Variants in TSR2 observed in about 807,000 individuals in gnomAD.
The protein encoded by TSR2 is TSR2 ribosome maturation factor, also known as pre-rRNA-processing protein TSR2 homolog.
A neutral mutation model predicts 13.3 loss-of-function variants in TSR2; 1 was observed. The ratio of observed to expected loss-of-function variants is 0.08; its 90% CI spans 0.03 to 0.36. TSR2 has a LOEUF of 0.36. Among genes scored for constraint, TSR2 ranks in the 10% least tolerant of loss-of-function variants. The pLI, the probability that TSR2 is intolerant of heterozygous loss-of-function variation, is 0.99. For synonymous variants in TSR2, 60 were observed against 57.7 expected (o/e 1.04, Z -0.18); for missense variants, 120 against 151.1 (o/e 0.79, Z 1.08).
At chrX:54,443,597 G>A (rs1200951619) in intron 3 of TSR2, 106 bp downstream of exon 3, 17 of 571,944 alleles carry the variant, frequency 3.0e-5, no homozygotes, top group African/African-American at 4.7e-5. Context: ...GTTGCCTAGA[G>A]GAAAAAGTGT....
In TSR2 at chrX:54,447,122, A is replaced by G. The variant is rs1485367236; in HGVS notation, c.*2572A>G. 8.9e-6 allele frequency among the ~76,000 whole-genome samples: 1 copy of G among 111,765 alleles called. No homozygotes were observed. The highest frequency in any genetic ancestry group is 1.9e-5 in the Non-Finnish European group (1 of 53,078). On this transcript the variant is annotated 3_prime_UTR_variant, in exon 5 of 5. Transcript: ENST00000375151. ...CCCACAACTCATCCTGGTTTTCCCT[A>G]CATACCACAACCACTCCTTGTCTCT...
Position 54,447,211 on chromosome X carries a change from C to T in TSR2, c.*2661C>T. On this transcript the variant is annotated 3_prime_UTR_variant, in exon 5 of 5. Coordinates refer to ENST00000375151, the MANE Select transcript of TSR2 (RefSeq NM_058163.3). ...CCTCTTAGAGATAGGCTCACCTTATCTTCCAAGGCTCACCTTATCTTCCAA... is the reference window on the plus strand; with the variant it reads ...CCTCTTAGAGATAGGCTCACCTTATTTTCCAAGGCTCACCTTATCTTCCAA... 1.0e-6 allele frequency: 1 copy of T among 958,276 alleles called. No individual in the cohort carries two copies. The highest frequency in any genetic ancestry group is 2.0e-5 in the South Asian group (1 of 49,455). The allele number at this position is 958,276 out of a possible 1,213,427, so 79.0% of individuals were successfully genotyped here. A position where few individuals can be genotyped will look rare whatever the true frequency, so the allele number is the denominator to read the frequency against.
rs746319125 is a variant in TSR2 at position 54,444,708 on chromosome X, C to G, written c.*158C>G. ...TGGCTCCCTCCAGGGCAAGGAAAAC[C>G]TAGGGTCCTTGGTCTTGGGGGTGGG... is the stretch of plus-strand genomic sequence containing the variant. On this transcript the variant is annotated 3_prime_UTR_variant, in exon 5 of 5. Coordinates refer to ENST00000375151, the MANE Select transcript of TSR2 (RefSeq NM_058163.3). 1 of 513,237 alleles carries G rather than the reference C, an allele frequency of 1.9e-6. No individual in the cohort carries two copies. Among genetic ancestry groups the G allele is most frequent in the African/African-American group, 2.4e-5 (1 of 41,002 alleles). The allele number at this position is 513,237 out of a possible 1,213,427, so 42.3% of individuals were successfully genotyped here. A position where few individuals can be genotyped will look rare whatever the true frequency, so the allele number is the denominator to read the frequency against.
chrX:54,443,159 C>T (rs1921990962), intron 2 of TSR2, among the ~76,000 whole-genome samples: 2 of 111,668 alleles, frequency 1.8e-5, no homozygotes, highest in South Asian at 7.5e-4. Context: ...ATGTTAAAAC[C>T]TGGAATGCAG....
At position 54,446,521 on chromosome X, in the gene TSR2, G is replaced by T; in HGVS notation, c.*1971G>T. On this transcript the variant is annotated 3_prime_UTR_variant, in exon 5 of 5. Transcript: ENST00000375151. The stretch of plus-strand genomic sequence containing the variant: ...GCTCTGTCTTCAGTCCCCTACTCAG[G>T]AACTCCCCTACTCAGGAACCTTCCG... 1.4e-6 allele frequency: 1 copy of T among 736,492 alleles called. No individual in the cohort carries two copies. The highest frequency in any genetic ancestry group is 2.0e-6 in the Non-Finnish European group (1 of 500,626). The allele number at this position is 736,492 out of a possible 1,213,427, so 60.7% of individuals were successfully genotyped here.
chrX:54,440,598 T>C, intron 1 of TSR2, 92 bp from the exon 2 acceptor site: 1 of 1,123,621 alleles, frequency 8.9e-7, no homozygotes, highest in South Asian at 1.9e-5. Flanking sequence ...CTAGGCGGCA[T>C]AAGAGGAGTT....
rs1403352928 is a variant in TSR2, at chrX:54,443,432, C to A, written c.205C>A (p.Leu69Ile). 8 of 1,205,807 alleles carry A rather than the reference C, an allele frequency of 6.6e-6. No individual in the cohort carries two copies. Among genetic ancestry groups the A allele is most frequent in the Non-Finnish European group, 9.0e-6 (8 of 893,608 alleles). Residue 69 changes from leucine to isoleucine, a missense_variant, in exon 3 of 5, where the codon CTT becomes ATT. This residue lies in a region of TSR2 where 12 missense variants were observed against 37.5 expected (regional missense o/e 0.32). Transcript: ENST00000375151. Reference protein sequence around the residue: ...DLELDEVEDFLGELLTNEFDT... With the variant: ...DLELDEVEDFIGELLTNEFDT... ...GGAGCTAGATGAGGTGGAAGACTTC[C>A]TTGGAGAGCTGTTGACCAACGAGTT... is the stretch of plus-strand genomic sequence containing the variant.
At position 54,446,093 on chromosome X, in the gene TSR2, G is replaced by T; in HGVS notation, c.*1543G>T. On this transcript the variant is annotated 3_prime_UTR_variant, in exon 5 of 5. Transcript: ENST00000375151. ...CTAGAGTGTGGGGTGGGGGCTCCCA[G>T]TTTGTCCCAAACCCTCTAGGTCTTG... 8.4e-7 allele frequency: 1 copy of T among 1,190,809 alleles called. No homozygotes were observed. Among genetic ancestry groups the T allele is most frequent in the Non-Finnish European group, 1.1e-6 (1 of 883,468 alleles).
At chrX:54,440,875 T>C in intron 2 of TSR2, 95 bp downstream of exon 2, 1 of 675,308 alleles carries the variant, frequency 1.5e-6, no homozygotes, top group Non-Finnish European at 2.2e-6. Flanking sequence ...CGAGCAGTTG[T>C]GGATTGGTAC....
Position 54,445,933 on chromosome X carries a change from A to G in TSR2, c.*1383A>G, listed in dbSNP as rs1300373977. ...TCACTGTAGGAATATATTTTTTAAA[A>G]GCCCACGTTTTGTGAAAAGATGAAT... is the stretch of plus-strand genomic sequence containing the variant. On this transcript the variant is annotated 3_prime_UTR_variant, in exon 5 of 5. Transcript: ENST00000375151. 2 of 440,162 alleles carry G rather than the reference A, an allele frequency of 4.5e-6. No homozygotes were observed. The highest frequency in any genetic ancestry group is 4.0e-6 in the Non-Finnish European group (1 of 251,354). The allele number at this position is 440,162 out of a possible 1,213,427, so 36.3% of individuals were successfully genotyped here.
intron 2 of TSR2, among the ~76,000 whole-genome samples, chrX:54,441,664 G>A (rs1242079369): frequency 9.0e-6 from 1 of 111,010 alleles, no homozygotes; most frequent in Non-Finnish European, 1.9e-5. Context: ...CAAGTTCTGT[G>A]GCATGAGGGT....
At position 54,440,478 on chromosome X, in the gene TSR2, C is replaced by T. The variant is rs1262086836; in HGVS notation, c.57C>T (p.Ala19=). The T allele has an allele frequency of 8.8e-7, 1 of 1,137,720 alleles. No individual in the cohort carries two copies. The highest frequency in any genetic ancestry group is 2.2e-5 in the South Asian group (1 of 46,411). 93.8% of individuals were successfully genotyped at this position (1,137,720 alleles called of 1,213,427 possible). A position where few individuals can be genotyped will look rare whatever the true frequency, so the allele number is the denominator to read the frequency against. ...TTTTCCGGGCTGGGGTCTGCGCGGC[C>T]CTGGAGGCCTGGCCGGCCTTGCAGG... The part of the protein sequence containing the change: ...RALFRAGVCA[A]LEAWPALQIA... Residue 19 remains alanine (A), a synonymous_variant, in exon 1 of 5, where the codon GCC becomes GCT. Coordinates refer to ENST00000375151, the MANE Select transcript of TSR2 (RefSeq NM_058163.3).
At position 54,445,843 on chromosome X, in the gene TSR2, T is replaced by G. The variant is rs1292676757; in HGVS notation, c.*1293T>G. The G allele has an allele frequency of 2.8e-6, 1 of 354,839 alleles. No individual in the cohort carries two copies. Among genetic ancestry groups the G allele is most frequent in the Non-Finnish European group, 4.8e-6 (1 of 207,943 alleles). 29.2% of individuals were successfully genotyped at this position (354,839 alleles called of 1,213,427 possible). A position where few individuals can be genotyped will look rare whatever the true frequency, so the allele number is the denominator to read the frequency against. ...TGAGGGATGAGGGAGAAAAACGACC[T>G]AATTCAGGTAGGACTGGCAACGGCT... On this transcript the variant is annotated 3_prime_UTR_variant, in exon 5 of 5. Transcript: ENST00000375151.
chrX:54,447,191 TAGAG>T lies in TSR2; in HGVS notation c.*2643_*2646del. Reference sequence around the variant, plus strand: ...AAGGGTTGGGGTTCTGATTTCCTCTTAGAGATAGGCTCACCTTATCTTCCAAGGC... The same window carrying T: ...AAGGGTTGGGGTTCTGATTTCCTCTTATAGGCTCACCTTATCTTCCAAGGC... On this transcript the variant is annotated 3_prime_UTR_variant, in exon 5 of 5. Coordinates refer to ENST00000375151, the MANE Select transcript of TSR2 (RefSeq NM_058163.3). The T allele has an allele frequency of 5.0e-6, 4 of 805,860 alleles. No individual in the cohort carries two copies. The highest frequency in any genetic ancestry group is 7.4e-6 in the Non-Finnish European group (4 of 542,535). 66.4% of individuals were successfully genotyped at this position (805,860 alleles called of 1,213,427 possible). A position where few individuals can be genotyped will look rare whatever the true frequency, so the allele number is the denominator to read the frequency against.
At position 54,446,042 on chromosome X, in the gene TSR2, T is replaced by G. The variant is rs772627763; in HGVS notation, c.*1492T>G. 7.7e-6 allele frequency: 7 copies of G among 904,125 alleles called. No individual in the cohort carries two copies. Among genetic ancestry groups the G allele is most frequent in the Non-Finnish European group, 9.4e-6 (6 of 641,398 alleles). The allele number at this position is 904,125 out of a possible 1,213,427, so 74.5% of individuals were successfully genotyped here. On this transcript the variant is annotated 3_prime_UTR_variant, in exon 5 of 5. Coordinates refer to ENST00000375151, the MANE Select transcript of TSR2 (RefSeq NM_058163.3). ...TTGACTGAGCTGGGAGGGAAGGGGC[T>G]AGAGCCCCCAATCAGACATGGGCAA...
In TSR2 at chrX:54,444,612, GT is replaced by G. The variant is rs1214253442; in HGVS notation, c.*72del. 1.3e-3 allele frequency: 1,277 copies of G among 951,211 alleles called. No homozygotes were observed. Among genetic ancestry groups the G allele is most frequent in the Admixed American group, 3.0e-3 (95 of 32,007 alleles). The allele number at this position is 951,211 out of a possible 1,213,427, so 78.4% of individuals were successfully genotyped here. ...GCTGTTCTAAGAGTTGTCTGTAGGG[GT>G]TTTTTTTTTGAGGATTGCAGACCTG... On this transcript the variant is annotated 3_prime_UTR_variant, in exon 5 of 5. Coordinates refer to ENST00000375151, the MANE Select transcript of TSR2 (RefSeq NM_058163.3).
Position 54,446,410 on chromosome X carries a change from A to G in TSR2, c.*1860A>G. The G allele has an allele frequency of 8.3e-7, 1 of 1,207,949 alleles. No individual in the cohort carries two copies. The stretch of plus-strand genomic sequence containing the variant: ...GAGGGGCAGGCTGCGCTGGGCTTTC[A>G]CATCCTGGCGGGAGGAGGGACAGAG... On this transcript the variant is annotated 3_prime_UTR_variant, in exon 5 of 5. Transcript: ENST00000375151.
At position 54,446,009 on chromosome X, in the gene TSR2, T is replaced by A. The variant is rs1601946343; in HGVS notation, c.*1459T>A. Reference sequence around the variant, plus strand: ...GGATTGAAAGTGCCCGTGATGGGAGTTCAAGTATTGACTGAGCTGGGAGGG... The same window carrying A: ...GGATTGAAAGTGCCCGTGATGGGAGATCAAGTATTGACTGAGCTGGGAGGG... On this transcript the variant is annotated 3_prime_UTR_variant, in exon 5 of 5. Coordinates refer to ENST00000375151, the MANE Select transcript of TSR2 (RefSeq NM_058163.3). The A allele has an allele frequency of 3.2e-6, 2 of 616,973 alleles. No individual in the cohort carries two copies. The highest frequency in any genetic ancestry group is 3.5e-5 in the East Asian group (1 of 28,512). 50.8% of individuals were successfully genotyped at this position (616,973 alleles called of 1,213,427 possible). A position where few individuals can be genotyped will look rare whatever the true frequency, so the allele number is the denominator to read the frequency against.
Position 54,444,492 on chromosome X carries a change from C to A in TSR2, c.518C>A (p.Thr173Asn). The A allele has an allele frequency of 8.3e-7, 1 of 1,210,371 alleles. No individual in the cohort carries two copies. The change falls in exon 5 of 5, where the codon ACT becomes AAT. Residue 173 changes from threonine to asparagine, a missense_variant. By Grantham distance (65) the Thr-to-Asn change is moderately conservative (BLOSUM62 0). Transcript: ENST00000375151. Reference sequence around the variant, plus strand: ...GAACCCTCTGATCCAGACGCTCAGACTATTAAGGAAGAGGATATAGTGGAA... The same window carrying A: ...GAACCCTCTGATCCAGACGCTCAGAATATTAAGGAAGAGGATATAGTGGAA... ...QPEPSDPDAQTIKEEDIVEDG... is the reference protein window; with the variant it reads ...QPEPSDPDAQNIKEEDIVEDG...
Sources: allele counts gnomAD v4.1 joint callset (sites outside exome capture counted in the v4.1 genomes callset), GRCh38; gene constraint gnomAD v4.1.1; regional missense constraint gnomAD v4.1.1; transcripts MANE v1.5; gene names NCBI Gene and HGNC (gene_info 2026-07-23, HGNC 2026-07-21).